The following HACL1 variants were observed in gnomAD, a reference collection of about 807,000 sequenced individuals.
HACL1 encodes the protein 1600020H07Rik.
In HACL1, 64 loss-of-function variants were observed where a neutral mutation model predicts 74.2. The ratio of observed to expected loss-of-function variants is 0.86; its 90% CI spans 0.70 to 1.06. The LOEUF is 1.06. Among genes scored for constraint, HACL1 ranks in the 50% least tolerant of loss-of-function variants. HACL1 has a pLI of 0.00. For missense variants in HACL1, 728 were observed against 719.7 expected, an observed-to-expected ratio of 1.01 and a Z score of -0.13; for synonymous variants, 230 against 238.8, an observed-to-expected ratio of 0.96 and a Z score of 0.34.
intron 3 of HACL1, among the ~76,000 whole-genome samples, chr3:15,592,429 C>T (rs1175156484): frequency 3.5e-5 from 5 of 144,360 alleles, no homozygotes; most frequent in Non-Finnish European, 7.7e-5. Context: ...CACACGTATG[C>T]ATGTAGACAC....
intron 12 of HACL1, 135 bp downstream of exon 12, chr3:15,571,533 C>T: frequency 1.5e-6 from 1 of 669,762 alleles, no homozygotes; most frequent in Admixed American, 2.8e-5. Context: ...ATCCCTTTTT[C>T]CATGAGACCT....
At chr3:15,573,840 G>A (rs1181927971) in intron 10 of HACL1, among the ~76,000 whole-genome samples, 1 of 152,176 alleles carries the variant, frequency 6.6e-6, no homozygotes, top group Non-Finnish European at 1.5e-5. Context: ...GGATGGCCAT[G>A]GACAAATGAT....
chr3:15,581,619 C>A (rs748956955), intron 8 of HACL1, among the ~76,000 whole-genome samples: 20 of 152,170 alleles, frequency 1.3e-4, no homozygotes, highest in Non-Finnish European at 2.6e-4. Flanking sequence ...CTATTGTCTG[C>A]TTTTTCAAGA....
chr3:15,564,717 T>C, intron 14 of HACL1, 59 bp from the exon 15 acceptor site: 1 of 721,334 alleles, frequency 1.4e-6, no homozygotes, highest in Non-Finnish European at 2.3e-6. Context: ...ATTTCTTTTC[T>C]TTGGGTTGAA....
At chr3:15,597,801 A>G (rs997189381) in intron 2 of HACL1, among the ~76,000 whole-genome samples, 1 of 152,062 alleles carries the variant, frequency 6.6e-6, no homozygotes, top group African/African-American at 2.4e-5. Context: ...TTAGGAGAAT[A>G]AGACAACTCC....
At chr3:15,596,788 T>C (rs1353354134) in intron 2 of HACL1, among the ~76,000 whole-genome samples, 2 of 152,176 alleles carry the variant, frequency 1.3e-5, no homozygotes, top group African/African-American at 4.8e-5. Flanking sequence ...AAAGAACAAA[T>C]TTTTTTAGTT....
chr3:15,580,319 C>T (rs1246253979), intron 8 of HACL1, among the ~76,000 whole-genome samples: 4 of 152,062 alleles, frequency 2.6e-5, no homozygotes, highest in Non-Finnish European at 5.9e-5. Context: ...TCTGTATAGA[C>T]GAGGTCTCCC....
chr3:15,572,630 T>G (rs1027664654), intron 11 of HACL1, among the ~76,000 whole-genome samples: 2 of 152,260 alleles, frequency 1.3e-5, no homozygotes, highest in African/African-American at 4.8e-5. Flanking sequence ...AATACCAAAT[T>G]GTATCATCCA....
chr3:15,589,278 C>T (rs879460874), intron 5 of HACL1, among the ~76,000 whole-genome samples: 1 of 152,126 alleles, frequency 6.6e-6, no homozygotes, highest in Non-Finnish European at 1.5e-5. Context: ...AGGTGGATCG[C>T]TTGAGCTCAA....
chr3:15,566,815 C>CTTTT (rs1156234795), intron 14 of HACL1, among the ~76,000 whole-genome samples: 13 of 92,470 alleles, frequency 1.4e-4, no homozygotes, highest in South Asian at 3.8e-4. Context: ...GGTTAAGTGA[C>CTTTT]TTTTTTTTTT....
chr3:15,579,360 T>C (rs896153779), intron 9 of HACL1, among the ~76,000 whole-genome samples: 2 of 152,032 alleles, frequency 1.3e-5, no homozygotes, highest in Non-Finnish European at 2.9e-5. Flanking sequence ...CATCATGAAG[T>C]ATAGAAAAAT....
intron 16 of HACL1, among the ~76,000 whole-genome samples, chr3:15,561,981 T>C (rs1273206716): frequency 1.3e-5 from 2 of 152,196 alleles, no homozygotes; most frequent in East Asian, 3.8e-4. Flanking sequence ...AGATTATATG[T>C]ATTCATTAAG....
At chr3:15,564,106 T>C (rs2063392171) in intron 15 of HACL1, among the ~76,000 whole-genome samples, 1 of 152,236 alleles carries the variant, frequency 6.6e-6, no homozygotes. Context: ...TCTCACATTC[T>C]ACGGCCAGCT....
chr3:15,574,096 T>G (rs2063581179), intron 10 of HACL1, among the ~76,000 whole-genome samples: 1 of 152,180 alleles, frequency 6.6e-6, no homozygotes, highest in African/African-American at 2.4e-5. Flanking sequence ...CCAAGCACAG[T>G]GGCTCAAGTC....
rs373945276 is a variant in HACL1 at position 15,573,238 on chromosome 3, T to C, written c.914A>G (p.Asp305Gly). ...YQPDVKFIQV[D>G]ICAEELGNNV... The stretch of plus-strand genomic sequence containing the variant: ...ATTCCCCAATTCTTCTGCACAGATA[T>C]CAACCTAAAAAAGAGACAAGGCTAA... Residue 305 changes from aspartate (D) to glycine (G), a missense_variant, in exon 11 of 17, where the codon GAT (aspartate) becomes GGT (glycine). Transcript: ENST00000321169. 1.3e-5 allele frequency: 21 copies of C among 1,597,782 alleles called. No individual in the cohort carries two copies. The African/African-American group carries it at 2.3e-4, about 17-fold the overall frequency.
In HACL1 at chr3:15,599,554, C is replaced by T. The variant is rs115659945; in HGVS notation, c.186+1536G>A. Among the ~76,000 whole-genome samples, 1,398 of 152,230 alleles carry T rather than the reference C, an allele frequency of 9.2e-3. 17 individuals are homozygous for T. The highest frequency in any genetic ancestry group is 0.032 in the African/African-American group (1,335 of 41,544). On this transcript the variant is annotated intron_variant, in intron 2 of 16. Transcript: ENST00000321169. ...AAACTCTTTTTAGATTTCCCACAAC[C>T]TCCCCTCAACCTACCTACCAGTCTC... is the stretch of plus-strand genomic sequence containing the variant.
At chr3:15,561,737 G>A (rs2125219286) in intron 16 of HACL1, among the ~76,000 whole-genome samples, 1 of 151,772 alleles carries the variant, frequency 6.6e-6, no homozygotes, top group African/African-American at 2.4e-5. Context: ...TTGGAGTGCA[G>A]TGGCACAATC....
intron 6 of HACL1, among the ~76,000 whole-genome samples, chr3:15,585,767 C>A (rs796295663): frequency 6.6e-6 from 1 of 152,118 alleles, no homozygotes; most frequent in African/African-American, 2.4e-5. Flanking sequence ...TGTAATTTCA[C>A]GTATAAATGC....
At chr3:15,599,626 AC>A (rs1412444725) in intron 2 of HACL1, among the ~76,000 whole-genome samples, 1 of 152,124 alleles carries the variant, frequency 6.6e-6, no homozygotes, top group Non-Finnish European at 1.5e-5. Context: ...ACATGAACTA[AC>A]ATTACCTCTA....
Sources: allele counts gnomAD v4.1 joint callset (sites outside exome capture counted in the v4.1 genomes callset), GRCh38; gene constraint gnomAD v4.1.1; transcripts MANE v1.5; gene names NCBI Gene and HGNC (gene_info 2026-07-23, HGNC 2026-07-21).